The following ADAMTS19 variants were observed in gnomAD, a reference collection of about 807,000 sequenced individuals.
ADAMTS19 encodes the protein ADAM metallopeptidase with thrombospondin type 1 motif 19.
In ADAMTS19, 93 loss-of-function variants were observed where a neutral mutation model predicts 153.3. The ratio of observed to expected loss-of-function variants is 0.61; its 90% CI spans 0.51 to 0.72. ADAMTS19 has a LOEUF of 0.72. Ranked by LOEUF, ADAMTS19 falls within the 30% of genes least tolerant of loss-of-function variation. The pLI is 0.00. For synonymous variants in ADAMTS19, 600 were observed against 556.6 expected (o/e 1.08, Z -1.10); for missense variants, 1,482 against 1,552.1 (o/e 0.95, Z 0.76).
intron 2 of ADAMTS19, among the ~76,000 whole-genome samples, chr5:129,486,531 C>T (rs1177479002): frequency 3.3e-5 from 5 of 152,156 alleles, no homozygotes; most frequent in East Asian, 1.9e-4. Context: ...TGACAAAATT[C>T]GGCAGTCATT....
chr5:129,544,521 A>G (rs1356298927), intron 6 of ADAMTS19, among the ~76,000 whole-genome samples: 1 of 152,164 alleles, frequency 6.6e-6, no homozygotes, highest in Non-Finnish European at 1.5e-5. Context: ...CTGGCTGTCT[A>G]GATAATCAGA....
At chr5:129,627,831 A>T (rs1752119695) in intron 10 of ADAMTS19, among the ~76,000 whole-genome samples, 1 of 152,086 alleles carries the variant, frequency 6.6e-6, no homozygotes, top group South Asian at 2.1e-4. Flanking sequence ...GAAGACTTAT[A>T]CACTGTTAAT....
chr5:129,527,633 TAAAAAAAAAAAA>T (rs373626538), intron 4 of ADAMTS19, 103 bp from the exon 5 acceptor site: 1 of 163,890 alleles, frequency 6.1e-6, no homozygotes, highest in Non-Finnish European at 1.2e-5. Flanking sequence ...TTTTTTTTTT[TAAAAAAAAAAAA>T]AGATGTCTCA....
At chr5:129,637,592 C>A (rs1048139861) in intron 10 of ADAMTS19, among the ~76,000 whole-genome samples, 2 of 152,124 alleles carry the variant, frequency 1.3e-5, no homozygotes, top group African/African-American at 2.4e-5. Flanking sequence ...CACCTATAAT[C>A]CCAGCACTTT....
At chr5:129,560,158 G>A (rs1473628243) in intron 7 of ADAMTS19, among the ~76,000 whole-genome samples, 1 of 152,136 alleles carries the variant, frequency 6.6e-6, no homozygotes, top group Non-Finnish European at 1.5e-5. Context: ...TGAAGATTTA[G>A]TTGACCTGTC....
chr5:129,642,489 T>A (rs183348237), intron 11 of ADAMTS19, among the ~76,000 whole-genome samples: 4 of 152,296 alleles, frequency 2.6e-5, no homozygotes, highest in Admixed American at 6.5e-5. Context: ...TAGTATACAT[T>A]TCCAGATCTA....
chr5:129,628,774 G>A lies in ADAMTS19; in HGVS notation c.1770+6426G>A, dbSNP rs184235071. The stretch of plus-strand genomic sequence containing the variant: ...TATGTTTAGATGCACAAATACTTAG[G>A]ATTGTTTTACAGTTGCCTACAATAT... On this transcript the variant is annotated intron_variant, in intron 10 of 22. Transcript: ENST00000274487. Among the ~76,000 whole-genome samples the A allele has an allele frequency of 6.2e-3, 938 of 152,122 alleles. 3 individuals are homozygous for A. Among genetic ancestry groups the A allele is most frequent in the Non-Finnish European group, 9.3e-3 (634 of 67,956 alleles).
At chr5:129,658,545 T>C in intron 14 of ADAMTS19, 72 bp from the exon 15 acceptor site, 2 of 1,503,966 alleles carry the variant, frequency 1.3e-6, no homozygotes, top group Non-Finnish European at 1.8e-6. Context: ...GAGACTAGGT[T>C]TGTCCCAAAT....
At chr5:129,730,037 C>A (rs990591898) in intron 21 of ADAMTS19, among the ~76,000 whole-genome samples, 1 of 152,010 alleles carries the variant, frequency 6.6e-6, no homozygotes, top group Non-Finnish European at 1.5e-5. Flanking sequence ...GATACTAGAA[C>A]AGTATTTTGT....
intron 20 of ADAMTS19, among the ~76,000 whole-genome samples, chr5:129,702,941 A>AAAAAAAAATATATATATAT: frequency 1.0e-4 from 3 of 29,302 alleles, no homozygotes; most frequent in African/African-American, 2.6e-4. Flanking sequence ...AAAAAAAAAA[A>AAAAAAAAATATATATATAT]ATATATATAT....
At chr5:129,690,223 T>C (rs565722029) in intron 18 of ADAMTS19, among the ~76,000 whole-genome samples, 232 of 152,290 alleles carry the variant, frequency 1.5e-3, no homozygotes, top group African/African-American at 5.5e-3. Flanking sequence ...TACTCAGTGA[T>C]AAAGGAAGAT....
chr5:129,575,207 AC>A (rs1754057217), intron 7 of ADAMTS19, among the ~76,000 whole-genome samples: 1 of 152,052 alleles, frequency 6.6e-6, no homozygotes, highest in African/African-American at 2.4e-5. Context: ...ATTGTGTCCA[AC>A]TGTTTGGAAG....
In ADAMTS19 at chr5:129,660,271, C is replaced by T. The variant is rs138722326; in HGVS notation, c.2425+1534C>T. 9.9e-5 allele frequency among the ~76,000 whole-genome samples: 15 copies of T among 152,194 alleles called. 1 individual carries two copies. Among genetic ancestry groups the T allele is most frequent in the African/African-American group, 3.6e-4 (15 of 41,536 alleles). On this transcript the variant is annotated intron_variant, in intron 15 of 22. Transcript: ENST00000274487. The stretch of plus-strand genomic sequence containing the variant: ...CCCACACATCAAAAATCTGCTGGCA[C>T]TCCTTTAGAAAAAATAAATAAATAA...
intron 16 of ADAMTS19, among the ~76,000 whole-genome samples, chr5:129,668,280 C>T (rs967797147): frequency 6.6e-6 from 1 of 152,168 alleles, no homozygotes; most frequent in Admixed American, 6.6e-5. Context: ...ATCTCAAGAT[C>T]TTCAACTTAA....
chr5:129,524,756 A>AG (rs1412574613), intron 3 of ADAMTS19, among the ~76,000 whole-genome samples: 2 of 151,444 alleles, frequency 1.3e-5, no homozygotes, highest in African/African-American at 4.9e-5. Context: ...CAGAACTTGA[A>AG]GGGAAAAAAA....
At position 129,619,777 on chromosome 5, in the gene ADAMTS19, G is replaced by A. The variant is rs550463108; in HGVS notation, c.1479-841G>A. ...AGTAACTATAGGATAGAAGGGAGAT[G>A]ACAGTTGAGTGAAACACTTAGAAGG... On this transcript the variant is annotated intron_variant, in intron 8 of 22. Transcript: ENST00000274487. Among the ~76,000 whole-genome samples, 4 of 152,000 alleles carry A rather than the reference G, an allele frequency of 2.6e-5. No homozygotes were observed. The South Asian group carries it at 8.3e-4, about 32-fold the overall frequency.
At chr5:129,719,978 T>G (rs1336603944) in intron 21 of ADAMTS19, among the ~76,000 whole-genome samples, 2 of 152,100 alleles carry the variant, frequency 1.3e-5, no homozygotes, top group Admixed American at 6.6e-5. Context: ...AGGCAGAGAT[T>G]GCAGTGAGCC....
At chr5:129,462,555 C>T (rs1447134853) in intron 2 of ADAMTS19, among the ~76,000 whole-genome samples, 2 of 151,458 alleles carry the variant, frequency 1.3e-5, no homozygotes, top group Non-Finnish European at 2.9e-5. Context: ...TTTTCTCCCT[C>T]TGTCACGATT....
At chr5:129,576,568 A>G (rs900114470) in intron 7 of ADAMTS19, among the ~76,000 whole-genome samples, 4 of 151,222 alleles carry the variant, frequency 2.6e-5, no homozygotes, top group African/African-American at 9.7e-5. Context: ...TTTTCCCTCT[A>G]GTTTAAATTG....
Sources: allele counts gnomAD v4.1 joint callset (sites outside exome capture counted in the v4.1 genomes callset), GRCh38; gene constraint gnomAD v4.1.1; transcripts MANE v1.5; gene names NCBI Gene and HGNC (gene_info 2026-07-23, HGNC 2026-07-21).